The following UBE2D2 variants were observed in gnomAD, a reference collection of about 807,000 sequenced individuals.
The protein encoded by UBE2D2 is ubiquitin-conjugating enzyme E2 D2.
A neutral mutation model predicts 24.2 loss-of-function variants in UBE2D2; 2 were observed. The ratio of observed to expected loss-of-function variants is 0.08; its 90% confidence interval spans 0.03 to 0.26. UBE2D2 has a LOEUF of 0.26. Among genes scored for constraint, UBE2D2 ranks in the 10% least tolerant of loss-of-function variants. The pLI, the probability that UBE2D2 is intolerant of heterozygous loss-of-function variation, is 1.00. For synonymous variants in UBE2D2, 58 were observed against 56.5 expected (o/e 1.03, Z -0.12); for missense variants, 44 against 177.6 (o/e 0.25, Z 4.28).
intron 2 of UBE2D2, among the ~76,000 whole-genome samples, chr5:139,603,526 G>A (rs1358739925): frequency 6.6e-6 from 1 of 151,352 alleles, no homozygotes; most frequent in Non-Finnish European, 1.5e-5. Flanking sequence ...AGGAGGCTGA[G>A]GCAGGAGAAT....
Position 139,591,157 on chromosome 5 carries a change from T to C in UBE2D2, c.25-9215T>C, listed in dbSNP as rs528239187. Among the ~76,000 whole-genome samples, 144 of 150,902 alleles carry C rather than the reference T, an allele frequency of 9.5e-4. 2 individuals are homozygous for C. Among genetic ancestry groups the C allele is most frequent in the African/African-American group, 3.4e-3 (140 of 41,058 alleles). On this transcript the variant is annotated intron_variant, in intron 1 of 6. Transcript: ENST00000398733. Reference sequence around the variant, plus strand: ...TTTTTTTAAGACGGAGTTTCGCTGTTGTTGCCCAGGCTGGAGTGCATGGTG... The same window carrying C: ...TTTTTTTAAGACGGAGTTTCGCTGTCGTTGCCCAGGCTGGAGTGCATGGTG...
Position 139,614,785 on chromosome 5 carries a change from G to A in UBE2D2, c.198+11G>A, listed in dbSNP as rs767129504. On this transcript the variant is annotated intron_variant, in intron 4 of 6. Transcript: ENST00000398733. ...TTCAAACCACCTAAGGTAATTAATT[G>A]GAATGTGGCAGTTTTTAATGTACTT... 3 of 1,613,286 alleles carry A rather than the reference G, an allele frequency of 1.9e-6. No homozygotes were observed. Among genetic ancestry groups the A allele is most frequent in the Non-Finnish European group, 2.5e-6 (3 of 1,179,476 alleles).
At chr5:139,567,925 C>A (rs892445593) in intron 1 of UBE2D2, among the ~76,000 whole-genome samples, 1 of 152,186 alleles carries the variant, frequency 6.6e-6, no homozygotes, top group Non-Finnish European at 1.5e-5. Flanking sequence ...CCATTATGAT[C>A]TGTTTCATGT....
At chr5:139,622,670 A>G (rs1754534052) in intron 5 of UBE2D2, among the ~76,000 whole-genome samples, 1 of 150,918 alleles carries the variant, frequency 6.6e-6, no homozygotes, top group Admixed American at 6.6e-5. Flanking sequence ...TGGGCGGATC[A>G]CGAGGTCAGG....
chr5:139,541,599 C>CAAAAAAAA (rs892398676), intron 1 of UBE2D2, among the ~76,000 whole-genome samples: 1 of 58,438 alleles, frequency 1.7e-5, no homozygotes. Context: ...GACTCCATTT[C>CAAAAAAAA]AAAAAAAAAA....
intron 1 of UBE2D2, among the ~76,000 whole-genome samples, chr5:139,549,622 C>T (rs1752880026): frequency 1.3e-5 from 2 of 152,344 alleles, no homozygotes; most frequent in Admixed American, 6.5e-5. Flanking sequence ...GCCTGAACAC[C>T]CTCCCCCTAC....
chr5:139,583,568 C>T (rs773279045), intron 1 of UBE2D2, among the ~76,000 whole-genome samples: 1 of 152,030 alleles, frequency 6.6e-6, no homozygotes, highest in African/African-American at 2.4e-5. Context: ...TCGAGACCAA[C>T]CTGGCCAACA....
At chr5:139,567,440 T>C (rs1753253447) in intron 1 of UBE2D2, among the ~76,000 whole-genome samples, 1 of 151,946 alleles carries the variant, frequency 6.6e-6, no homozygotes, top group Non-Finnish European at 1.5e-5. Flanking sequence ...TTGCTTTTTT[T>C]TTTTGAGACC....
At chr5:139,625,609 A>G (rs1200692292) in intron 6 of UBE2D2, among the ~76,000 whole-genome samples, 3 of 147,950 alleles carry the variant, frequency 2.0e-5, no homozygotes, top group South Asian at 2.2e-4. Flanking sequence ...ACATCCAGCT[A>G]ATTTTTTTTT....
intron 1 of UBE2D2, among the ~76,000 whole-genome samples, chr5:139,579,665 A>G (rs908082598): frequency 6.6e-6 from 1 of 152,154 alleles, no homozygotes; most frequent in African/African-American, 2.4e-5. Context: ...TCTTCAACAG[A>G]TATTTACTGG....
intron 1 of UBE2D2, among the ~76,000 whole-genome samples, chr5:139,598,449 A>G (rs556925837): frequency 2.4e-4 from 37 of 152,008 alleles, no homozygotes; most frequent in Admixed American, 5.9e-4. Context: ...TCCTCACCCA[A>G]TAACAAGTCT....
chr5:139,550,772 G>C (rs1444270229), intron 1 of UBE2D2, among the ~76,000 whole-genome samples: 1 of 151,456 alleles, frequency 6.6e-6, no homozygotes, highest in Non-Finnish European at 1.5e-5. Flanking sequence ...GTGAAAGTCT[G>C]CAGCTTCACT....
intron 1 of UBE2D2, among the ~76,000 whole-genome samples, chr5:139,598,552 CTTTTT>C (rs746165110): frequency 9.5e-6 from 1 of 104,938 alleles, no homozygotes; most frequent in African/African-American, 4.1e-5. Flanking sequence ...ACTACAAAGC[CTTTTT>C]TTTTTTTTTT....
intron 2 of UBE2D2, among the ~76,000 whole-genome samples, chr5:139,609,301 G>A (rs1344921601): frequency 6.6e-6 from 1 of 152,006 alleles, no homozygotes; most frequent in Non-Finnish European, 1.5e-5. Flanking sequence ...CCAGCACTTT[G>A]GGAGGCTGAG....
chr5:139,535,226 C>T (rs933755194), intron 1 of UBE2D2, among the ~76,000 whole-genome samples: 2 of 148,362 alleles, frequency 1.3e-5, no homozygotes, highest in African/African-American at 5.0e-5. Flanking sequence ...GCAGGTGGGT[C>T]ACGAGGTCAG....
At chr5:139,546,539 G>C (rs1227449705) in intron 1 of UBE2D2, among the ~76,000 whole-genome samples, 1 of 151,548 alleles carries the variant, frequency 6.6e-6, no homozygotes, top group Non-Finnish European at 1.5e-5. Context: ...CTGGAGTACA[G>C]TGGTGAGATC....
chr5:139,604,924 A>ACC (rs944624391), intron 2 of UBE2D2, among the ~76,000 whole-genome samples: 3 of 151,960 alleles, frequency 2.0e-5, no homozygotes, highest in African/African-American at 7.2e-5. Context: ...TTTCTGATGA[A>ACC]CCCCACATAA....
rs187057036 is a variant in UBE2D2, at chr5:139,585,286, C to T, written c.25-15086C>T. On this transcript the variant is annotated intron_variant, in intron 1 of 6. Transcript: ENST00000398733. ...GGAGTACAGTGGTGAGATTATAGCTCACTGCAGCCCCAAACTTCTGGGCTC... is the reference window on the plus strand; with the variant it reads ...GGAGTACAGTGGTGAGATTATAGCTTACTGCAGCCCCAAACTTCTGGGCTC... 1.5e-3 allele frequency among the ~76,000 whole-genome samples: 219 copies of T among 150,842 alleles called. 3 individuals are homozygous for T. Among genetic ancestry groups the T allele is most frequent in the Non-Finnish European group, 2.4e-4 (16 of 67,822 alleles).
At chr5:139,565,168 A>G (rs1256118710) in intron 1 of UBE2D2, among the ~76,000 whole-genome samples, 1 of 152,216 alleles carries the variant, frequency 6.6e-6, no homozygotes, top group Non-Finnish European at 1.5e-5. Flanking sequence ...AGATTTTTCT[A>G]AGAAAAACTA....
Sources: allele counts gnomAD v4.1 joint callset (sites outside exome capture counted in the v4.1 genomes callset), GRCh38; gene constraint gnomAD v4.1.1; transcripts MANE v1.5; gene names NCBI Gene and HGNC (gene_info 2026-07-23, HGNC 2026-07-21).